SCAP: variants seen among roughly 807,000 people sequenced by gnomAD.
SCAP encodes SREBF chaperone, also known as sterol regulatory element-binding protein cleavage-activating protein.
Under a neutral mutation model 123.6 loss-of-function variants are expected in SCAP, and 65 were observed. The observed-to-expected ratio is 0.53, with a 90% CI of 0.43 to 0.65. SCAP has a LOEUF of 0.65. Ranked by LOEUF, SCAP falls within the 30% of genes least tolerant of loss-of-function variation. The probability of loss-of-function intolerance (pLI) is 0.00; values close to 1 mark genes in which losing one functional copy is unlikely to be tolerated. For synonymous variants in SCAP, 740 were observed against 726.3 expected (o/e 1.02, Z -0.30); for missense variants, 1,398 against 1,712.5 (o/e 0.82, Z 3.24).
chr3:47,427,128 T>C (rs1706167732), intron 6 of SCAP, 29 bp downstream of exon 6: 1 of 1,529,444 alleles, frequency 6.5e-7, no homozygotes, highest in Non-Finnish European at 9.1e-7. Flanking sequence ...AGCAGACCAG[T>C]CAAGAGCCCA....
rs781112030 is a variant in SCAP at position 47,425,711 on chromosome 3, ACTC to A, written c.911-103_911-101del. The A allele has an allele frequency of 1.0e-5, 14 of 1,339,626 alleles. No homozygotes were observed. In the East Asian group the frequency reaches 1.4e-4, roughly 13 times the overall value. The allele number at this position is 1,339,626 out of a possible 1,614,324, so 83.0% of individuals were successfully genotyped here. On this transcript the variant is annotated intron_variant, in intron 7 of 22. Coordinates refer to ENST00000265565, the MANE Select transcript of SCAP (RefSeq NM_012235.4). ...TGCCCTGACAGTCGAGGAAGGGAAA[ACTC>A]CTGGTTTCACCAAAGGAAAGGGACA...
At chr3:47,472,654 C>A (rs533466209) in intron 1 of SCAP, among the ~76,000 whole-genome samples, 3 of 152,226 alleles carry the variant, frequency 2.0e-5, no homozygotes, top group Non-Finnish European at 2.9e-5. Flanking sequence ...CAGAAACTGT[C>A]AAATGGCAGT....
rs1705665756 is a variant in SCAP, at chr3:47,417,783, G to A, written c.2491C>T (p.Gln831Ter). Residue 831 changes from glutamine to a stop codon, truncating the protein, a stop_gained, in exon 17 of 23, where the codon CAG becomes TAG. Transcript: ENST00000265565. LOFTEE classifies it high-confidence loss of function. ...DSGVGSGLEA[Q>*]ESWERLSDGG... ...TCTGAAAGTCGTTCCCAGCTCTCCT[G>A]AGCCTCAAGCCCGCTGCCCACGCCA... The A allele has an allele frequency of 1.3e-6, 2 of 1,593,806 alleles. No homozygotes were observed. The highest frequency in any genetic ancestry group is 1.7e-6 in the Non-Finnish European group (2 of 1,173,430).
In SCAP at chr3:47,420,901, C is replaced by T. The variant is rs184139041; in HGVS notation, c.1344+30G>A. On this transcript the variant is annotated intron_variant, in intron 11 of 22. Coordinates refer to ENST00000265565, the MANE Select transcript of SCAP (RefSeq NM_012235.4). The surrounding 1 kb of genome is among the most constrained non-coding windows in gnomAD (Gnocchi z 5.0). ...CTCAGTACAGCCAGGGCTGAGGAGG[C>T]GGGCAGGGCAGGGCTCAGCCCACTC... 2.8e-5 allele frequency: 45 copies of T among 1,589,596 alleles called. No individual in the cohort carries two copies. The highest frequency in any genetic ancestry group is 3.5e-5 in the Non-Finnish European group (41 of 1,159,396).
chr3:47,419,212 T>C lies in SCAP; in HGVS notation c.1940+116A>G. The C allele has an allele frequency of 7.4e-7, 1 of 1,356,892 alleles. No homozygotes were observed. The highest frequency in any genetic ancestry group is 9.9e-7 in the Non-Finnish European group (1 of 1,005,104). 84.1% of individuals were successfully genotyped at this position (1,356,892 alleles called of 1,614,324 possible). A position where few individuals can be genotyped will look rare whatever the true frequency, so the allele number is the denominator to read the frequency against. On this transcript the variant is annotated intron_variant, in intron 13 of 22. Transcript: ENST00000265565. The surrounding 1 kb of genome is among the most constrained non-coding windows in gnomAD (Gnocchi z 5.0). Reference sequence around the variant, plus strand: ...AACCACCAGTTCCCACCTCACAACCTTATGAACTGTTTTAATTATTTGCAT... The same window carrying C: ...AACCACCAGTTCCCACCTCACAACCCTATGAACTGTTTTAATTATTTGCAT...
In SCAP at chr3:47,417,561, G is replaced by C; in HGVS notation, c.2713C>G (p.Arg905Gly). 6.3e-7 allele frequency: 1 copy of C among 1,583,752 alleles called. No individual in the cohort carries two copies. Among genetic ancestry groups the C allele is most frequent in the Non-Finnish European group, 8.6e-7 (1 of 1,166,206 alleles). ...PRHRAVCGRS[R>G]DSPGYDFSCL... is the part of the protein sequence containing the mutation. ...CTGAAGTCATAGCCTGGGGAGTCCC[G>C]AGAGCGGCCACAGACCGCCCGGTGC... Residue 905 changes from arginine to glycine, a missense_variant, in exon 17 of 23, where the codon CGG (arginine) becomes GGG (glycine). Around this residue, in one of 7 missense-constraint regions of SCAP, gnomAD observed 828 missense variants for 882.5 expected, o/e 0.94. Coordinates refer to ENST00000265565, the MANE Select transcript of SCAP (RefSeq NM_012235.4).
chr3:47,462,769 A>G (rs927496836), intron 1 of SCAP, among the ~76,000 whole-genome samples: 24 of 151,496 alleles, frequency 1.6e-4, no homozygotes, highest in South Asian at 2.1e-4. Flanking sequence ...AAAAAAAAAA[A>G]AAAAAGAAAG....
intron 14 of SCAP, 29 bp downstream of exon 14, chr3:47,418,626 T>TGGCCCCCC: frequency 8.2e-6 from 12 of 1,459,424 alleles, no homozygotes; most frequent in Middle Eastern, 1.8e-4. Flanking sequence ...CCGCACTCTT[T>TGGCCCCCC]CCCACCCCAC....
chr3:47,441,747 G>A (rs1253120950), intron 2 of SCAP, among the ~76,000 whole-genome samples: 3 of 151,972 alleles, frequency 2.0e-5, no homozygotes, highest in African/African-American at 7.2e-5. Context: ...TAGTTATGTG[G>A]ACCAGACAAA....
chr3:47,415,321 CAG>C, intron 18 of SCAP, 141 bp from the exon 19 acceptor site: 1 of 691,262 alleles, frequency 1.4e-6, no homozygotes, highest in Non-Finnish European at 2.3e-6. Flanking sequence ...GGTGCCAGAA[CAG>C]ATGCTGGAGC....
chr3:47,426,059 G>A lies in SCAP; in HGVS notation c.848C>T (p.Ala283Val). 1 of 1,614,192 alleles carries A rather than the reference G, an allele frequency of 6.2e-7. No homozygotes were observed. The highest frequency in any genetic ancestry group is 8.5e-7 in the Non-Finnish European group (1 of 1,180,020). The change falls in exon 7 of 23, where the codon GCT becomes GTT. Residue 283 changes from alanine (A) to valine (V), a missense_variant. By Grantham distance (64) the Ala-to-Val change is moderately conservative. This residue lies in a region of SCAP where 319 missense variants were observed against 432.4 expected (regional missense o/e 0.74). Coordinates refer to ENST00000265565, the MANE Select transcript of SCAP (RefSeq NM_012235.4). ...HVHFKEEIGV[A>V]ELIPLVTTYI... ...GGTGGTCACAAGGGGGATGAGCTCA[G>A]CGACACCAATCTCCTCCTTGAAGTG...
intron 14 of SCAP, 29 bp downstream of exon 14, chr3:47,418,626 T>TGACCCCC: frequency 1.4e-6 from 2 of 1,459,578 alleles, no homozygotes; most frequent in Non-Finnish European, 1.9e-6. Context: ...CCGCACTCTT[T>TGACCCCC]CCCACCCCAC....
At position 47,426,037 on chromosome 3, in the gene SCAP, G is replaced by C. The variant is rs756556941; in HGVS notation, c.870C>G (p.Thr290=). The C allele has an allele frequency of 8.1e-6, 13 of 1,614,200 alleles. 1 individual carries two copies. The South Asian group carries it at 1.3e-4, about 16-fold the overall frequency. Residue 290 remains threonine, a synonymous_variant, in exon 7 of 23, where the codon ACC becomes ACG. Coordinates refer to ENST00000265565, the MANE Select transcript of SCAP (RefSeq NM_012235.4). ...TGTAGGCAAACAAGATGATGTAGGT[G>C]GTCACAAGGGGGATGAGCTCAGCGA... ...IGVAELIPLV[T]TYIILFAYIY... is the part of the protein sequence containing the mutation.
intron 3 of SCAP, 119 bp from the exon 4 acceptor site, chr3:47,428,789 A>T (rs1027366218): frequency 3.6e-6 from 4 of 1,099,164 alleles, no homozygotes; most frequent in Non-Finnish European, 5.2e-6. Context: ...AAAGAAACCA[A>T]TGACTAATAC....
At position 47,419,579 on chromosome 3, in the gene SCAP, C is replaced by T; in HGVS notation, c.1689G>A (p.Val563=). ...GGCTGGGGGGCAGCATGCCACTAGG[C>T]ACGGGCATGGGAGCCAGGGCTCCCT... ...LGEGALAPMP[V]PSGMLPPSHP... Residue 563 remains valine, a synonymous_variant, in exon 13 of 23, where the codon GTG becomes GTA. Coordinates refer to ENST00000265565, the MANE Select transcript of SCAP (RefSeq NM_012235.4). The surrounding 1 kb of genome is among the most constrained non-coding windows in gnomAD (Gnocchi z 5.0). 1.2e-6 allele frequency: 2 copies of T among 1,610,992 alleles called. No individual in the cohort carries two copies. Among genetic ancestry groups the T allele is most frequent in the Non-Finnish European group, 8.5e-7 (1 of 1,178,176 alleles).
In SCAP at chr3:47,417,690, G is replaced by C. The variant is rs1705657689; in HGVS notation, c.2584C>G (p.Pro862Ala). ...TGGTCCCCGAAGAGGGAAGGCGGCG[G>C]AGGGCCCCGGGGGCGGTGTCTCAGG... ...PPLRHRPRGP[P>A]PPSLFGDQPD... Residue 862 changes from proline to alanine, a missense_variant, in exon 17 of 23, where the codon CCG (proline) becomes GCG (alanine). Physicochemically the swap from Pro to Ala is conservative, Grantham distance 27. Transcript: ENST00000265565. 1 of 1,608,184 alleles carries C rather than the reference G, an allele frequency of 6.2e-7. No individual in the cohort carries two copies. The highest frequency in any genetic ancestry group is 1.7e-4 in the Middle Eastern group (1 of 6,030).
At chr3:47,440,764 G>T (rs1008167576) in intron 2 of SCAP, among the ~76,000 whole-genome samples, 1 of 152,166 alleles carries the variant, frequency 6.6e-6, no homozygotes, top group Non-Finnish European at 1.5e-5. Context: ...GAGGGCTGAG[G>T]TAGGAGAATC....
rs550192974 is a variant in SCAP, at chr3:47,417,580, C to G, written c.2694G>C (p.Arg898=). 1 of 1,593,002 alleles carries G rather than the reference C, an allele frequency of 6.3e-7. No homozygotes were observed. Among genetic ancestry groups the G allele is most frequent in the South Asian group, 1.1e-5 (1 of 88,234 alleles). ...SQPTQPEPRH[R]AVCGRSRDSP... is the part of the protein sequence containing the mutation. ...AGTCCCGAGAGCGGCCACAGACCGC[C>G]CGGTGCCGGGGCTCGGGCTGAGTGG... Residue 898 remains arginine, a synonymous_variant, in exon 17 of 23, where the codon CGG becomes CGC. Coordinates refer to ENST00000265565, the MANE Select transcript of SCAP (RefSeq NM_012235.4).
chr3:47,462,770 AAAAAG>A (rs1277741069), intron 1 of SCAP, among the ~76,000 whole-genome samples: 1 of 144,646 alleles, frequency 6.9e-6, no homozygotes, highest in African/African-American at 2.6e-5. Context: ...AAAAAAAAAA[AAAAAG>A]AAAGAAAGAA....
Sources: gnomAD v4.1 joint callset for allele counts (sites outside exome capture counted in the v4.1 genomes callset) on GRCh38, gnomAD v4.1.1 for gene constraint, gnomAD v4.1.1 regional missense constraint, Gnocchi (gnomAD v3.1) non-coding constraint, MANE v1.5 for transcripts, NCBI Gene and HGNC (gene_info 2026-07-23, HGNC 2026-07-21) for gene names.